Variants in PIP4K2A observed in about 807,000 individuals in gnomAD.
PIP4K2A encodes phosphatidylinositol-5-phosphate 4-kinase type 2 alpha, also known as phosphatidylinositol 5-phosphate 4-kinase type-2 alpha.
Under a neutral mutation model 42.9 loss-of-function variants are expected in PIP4K2A, and 14 were observed. That is an observed-to-expected ratio of 0.33 (90% CI 0.22 to 0.51). PIP4K2A has a LOEUF of 0.51. Among genes scored for constraint, PIP4K2A ranks in the 20% least tolerant of loss-of-function variants. The probability of loss-of-function intolerance (pLI) is 0.97; values close to 1 mark genes in which losing one functional copy is unlikely to be tolerated. For synonymous variants in PIP4K2A, 192 were observed against 192.2 expected (o/e 1.00, Z 0.01); for missense variants, 434 against 519.8 (o/e 0.83, Z 1.61).
At chr10:22,614,419 C>A (rs962936812) in intron 1 of PIP4K2A, among the ~76,000 whole-genome samples, 9 of 152,178 alleles carry the variant, frequency 5.9e-5, no homozygotes, top group Non-Finnish European at 1.2e-4. Flanking sequence ...TTAGATCTGA[C>A]AGCTACTTTA....
rs377725456 is a variant in PIP4K2A, at chr10:22,544,106, TA to T, written c.793-2060del. On this transcript the variant is annotated intron_variant, in intron 7 of 9. Transcript: ENST00000376573. ...CAACCCTAGGAGGAAGGTAACGAGT[TA>T]AAATCAGCTGGCATCGGAGGCCCTC... 5.9e-5 allele frequency among the ~76,000 whole-genome samples: 9 copies of T among 152,198 alleles called. No individual in the cohort carries two copies. The East Asian group carries it at 1.7e-3, about 29-fold the overall frequency.
intron 1 of PIP4K2A, among the ~76,000 whole-genome samples, chr10:22,685,555 A>G (rs1243761638): frequency 6.6e-6 from 1 of 151,928 alleles, no homozygotes; most frequent in East Asian, 1.9e-4. Flanking sequence ...ACAAACAAAA[A>G]CTTTAAAAAT....
chr10:22,671,405 G>A lies in PIP4K2A; in HGVS notation c.144+42778C>T, dbSNP rs547808139. Among the ~76,000 whole-genome samples the A allele has an allele frequency of 3.3e-5, 5 of 152,246 alleles. No individual in the cohort carries two copies. In the South Asian group the frequency reaches 1.0e-3, roughly 32 times the overall value. ...TGGCACTTATTAATGACTTGCTCTG[G>A]TCAGCCACTGCTCCGAGGAGTTTGC... On this transcript the variant is annotated intron_variant, in intron 1 of 9. Coordinates refer to ENST00000376573, the MANE Select transcript of PIP4K2A (RefSeq NM_005028.5).
At chr10:22,627,326 G>A (rs1281445419) in intron 1 of PIP4K2A, among the ~76,000 whole-genome samples, 1 of 152,012 alleles carries the variant, frequency 6.6e-6, no homozygotes, top group Non-Finnish European at 1.5e-5. Context: ...CAGACTGTGA[G>A]TATTTAACTC....
At chr10:22,582,108 GA>G (rs56798349) in intron 4 of PIP4K2A, among the ~76,000 whole-genome samples, 1,826 of 139,902 alleles carry the variant, frequency 0.013, 39 homozygotes, top group African/African-American at 0.044. Context: ...TCTCAAAAAA[GA>G]AAAAAAAAAA....
chr10:22,713,912 A>C, intron 1 of PIP4K2A: 1 of 276,034 alleles, frequency 3.6e-6, no homozygotes, highest in Non-Finnish European at 6.8e-6. Context: ...CGGGGGCGGC[A>C]CTGGCACCCA....
At chr10:22,690,223 G>A (rs930672373) in intron 1 of PIP4K2A, among the ~76,000 whole-genome samples, 1 of 152,160 alleles carries the variant, frequency 6.6e-6, no homozygotes, top group Non-Finnish European at 1.5e-5. Flanking sequence ...CCAAAATCTA[G>A]GTGCTAATAC....
chr10:22,537,699 A>AC (rs776131309), intron 9 of PIP4K2A, among the ~76,000 whole-genome samples: 1 of 152,188 alleles, frequency 6.6e-6, no homozygotes, highest in African/African-American at 2.4e-5. Context: ...CGAAAGGGAA[A>AC]CCTTAATGAC....
At chr10:22,581,462 T>C (rs531501772) in intron 4 of PIP4K2A, among the ~76,000 whole-genome samples, 2 of 150,800 alleles carry the variant, frequency 1.3e-5, no homozygotes, top group East Asian at 3.9e-4. Context: ...CATTGCATTT[T>C]AAAATGTTAT....
chr10:22,537,009 G>A lies in PIP4K2A; in HGVS notation c.*192C>T, dbSNP rs1053456. On this transcript the variant is annotated 3_prime_UTR_variant, in exon 10 of 10. Transcript: ENST00000376573. ...ATATACACAAAGTCAGAAATAGCTAGAACGATGCTGGGAAAATCAGGTAGC... is the reference window on the plus strand; with the variant it reads ...ATATACACAAAGTCAGAAATAGCTAAAACGATGCTGGGAAAATCAGGTAGC... 1 of 549,022 alleles carries A rather than the reference G, an allele frequency of 1.8e-6. No individual in the cohort carries two copies. The highest frequency in any genetic ancestry group is 2.0e-5 in the African/African-American group (1 of 50,944). The allele number at this position is 549,022 out of a possible 1,614,324, so 34.0% of individuals were successfully genotyped here. A position where few individuals can be genotyped will look rare whatever the true frequency, so the allele number is the denominator to read the frequency against.
At chr10:22,585,297 C>T (rs1837368278) in intron 4 of PIP4K2A, among the ~76,000 whole-genome samples, 1 of 152,098 alleles carries the variant, frequency 6.6e-6, no homozygotes, top group South Asian at 2.1e-4. Flanking sequence ...ATTTGAGGTG[C>T]TGATTAGCTT....
chr10:22,571,420 C>T (rs955608172), intron 5 of PIP4K2A, among the ~76,000 whole-genome samples: 2 of 152,214 alleles, frequency 1.3e-5, no homozygotes, highest in African/African-American at 2.4e-5. Flanking sequence ...GGCCTGACCG[C>T]TTCCCAATAT....
chr10:22,561,072 G>A (rs1176126508), intron 6 of PIP4K2A, among the ~76,000 whole-genome samples: 1 of 152,212 alleles, frequency 6.6e-6, no homozygotes, highest in African/African-American at 2.4e-5. Flanking sequence ...CACCAGGGAG[G>A]TTCACATTTC....
intron 9 of PIP4K2A, 109 bp from the exon 10 acceptor site, chr10:22,537,390 A>G: frequency 4.9e-6 from 4 of 813,926 alleles, no homozygotes; most frequent in South Asian, 3.2e-5. Flanking sequence ...ACAGCAAGCA[A>G]TTTTCAAATC....
At chr10:22,594,051 C>A (rs1837570038) in intron 3 of PIP4K2A, among the ~76,000 whole-genome samples, 1 of 152,160 alleles carries the variant, frequency 6.6e-6, no homozygotes, top group Non-Finnish European at 1.5e-5. Flanking sequence ...ACCCAGGGAT[C>A]ATGTGAAAAT....
chr10:22,690,244 G>T (rs7100490), intron 1 of PIP4K2A, among the ~76,000 whole-genome samples: 25,859 of 152,074 alleles, frequency 0.17, 2,410 homozygotes, highest in Middle Eastern at 0.26. Flanking sequence ...TACCCACGTT[G>T]TATAAATAAT....
intron 1 of PIP4K2A, among the ~76,000 whole-genome samples, chr10:22,629,008 G>A (rs571834994): frequency 2.0e-4 from 31 of 152,222 alleles, no homozygotes; most frequent in African/African-American, 6.7e-4. Flanking sequence ...GGAGGGGTCC[G>A]TTCAGATGGT....
chr10:22,669,243 A>T (rs1181601894), intron 1 of PIP4K2A, among the ~76,000 whole-genome samples: 1 of 152,200 alleles, frequency 6.6e-6, no homozygotes, highest in Non-Finnish European at 1.5e-5. Context: ...GGAAAGAAGG[A>T]AAGGTATGTA....
intron 1 of PIP4K2A, among the ~76,000 whole-genome samples, chr10:22,618,122 TA>T: frequency 6.6e-6 from 1 of 152,354 alleles, no homozygotes; most frequent in Non-Finnish European, 1.5e-5. Context: ...TTCTGGCTTC[TA>T]CAAATGGATG....
Sources: gnomAD v4.1 joint callset for allele counts (sites outside exome capture counted in the v4.1 genomes callset) on GRCh38, gnomAD v4.1.1 for gene constraint, MANE v1.5 for transcripts, NCBI Gene and HGNC (gene_info 2026-07-23, HGNC 2026-07-21) for gene names.